Variants in SAMD5 observed in about 807,000 individuals in gnomAD.
SAMD5 encodes sterile alpha motif domain-containing protein 5.
In SAMD5, 13 loss-of-function variants were observed where a neutral mutation model predicts 11.3. The ratio of observed to expected loss-of-function variants is 1.15; its 90% confidence interval spans 0.75 to 1.83. The LOEUF (loss-of-function observed/expected upper bound fraction) is 1.83. Ranked by LOEUF, SAMD5 falls within the 40% of genes most tolerant of loss-of-function variation. SAMD5 has a pLI of 0.00. For synonymous variants in SAMD5, 129 were observed against 111.3 expected (o/e 1.16, Z -1.00); for missense variants, 255 against 239.1 (o/e 1.07, Z -0.44).
At chr6:147,949,476 G>A in the SAMD5 span, among the ~76,000 whole-genome samples, 1 of 152,164 alleles carries the variant, frequency 6.6e-6, no homozygotes, top group Non-Finnish European at 1.5e-5. Context: ...TCACTATAAA[G>A]AGAACTTGAA....
At chr6:147,644,093 A>G (rs536935337) in intron 1 of SAMD5, among the ~76,000 whole-genome samples, 1 of 152,172 alleles carries the variant, frequency 6.6e-6, no homozygotes, top group African/African-American at 2.4e-5. Context: ...CCTTGGTGAA[A>G]TGTTTTACCT....
the SAMD5 span, among the ~76,000 whole-genome samples, chr6:147,744,251 A>G: frequency 7.9e-5 from 12 of 152,338 alleles, no homozygotes; most frequent in East Asian, 2.3e-3. Context: ...CACATCTGTA[A>G]AAAGAAGATA....
the SAMD5 span, among the ~76,000 whole-genome samples, chr6:147,816,301 A>AAATATAT: frequency 2.3e-4 from 15 of 66,346 alleles, no homozygotes; most frequent in East Asian, 9.0e-4. Context: ...AAAAAAAAAA[A>AAATATAT]ATATATATAT....
rs570264348 is a variant in SAMD5 at position 147,719,972 on chromosome 6, ACCTG to A, written c.163-17341_163-17338del. On this transcript the variant is annotated intron_variant, in intron 1 of 1. Transcript: ENST00000566741. ...CACTCTTGCACACCCTCTGGGGCACACCTGCCTATCTGAGAAACATGGATGTGCT... is the reference window on the plus strand; with the variant it reads ...CACTCTTGCACACCCTCTGGGGCACACCTATCTGAGAAACATGGATGTGCT... 9.3e-4 allele frequency among the ~76,000 whole-genome samples: 141 copies of A among 152,320 alleles called. 3 individuals carry two copies. Among genetic ancestry groups the A allele is most frequent in the Admixed American group, 7.7e-3 (118 of 15,298 alleles).
chr6:147,759,573 A>T, the SAMD5 span, among the ~76,000 whole-genome samples: 3 of 150,214 alleles, frequency 2.0e-5, no homozygotes, highest in South Asian at 6.2e-4. Flanking sequence ...TAACTTATAC[A>T]TATATTATTT....
the SAMD5 span, among the ~76,000 whole-genome samples, chr6:147,748,034 G>A: frequency 6.6e-6 from 1 of 152,004 alleles, no homozygotes; most frequent in East Asian, 1.9e-4. Context: ...TATATATAGA[G>A]GGCAAAACCT....
At chr6:147,665,607 T>A (rs940888586) in intron 1 of SAMD5, among the ~76,000 whole-genome samples, 3 of 152,148 alleles carry the variant, frequency 2.0e-5, no homozygotes, top group Non-Finnish European at 2.9e-5. Context: ...GAGGGTGACC[T>A]CCTGCTGCTT....
At chr6:147,836,529 C>T in the SAMD5 span, among the ~76,000 whole-genome samples, 4 of 152,140 alleles carry the variant, frequency 2.6e-5, no homozygotes, top group Non-Finnish European at 5.9e-5. Context: ...TGTGCAAAAT[C>T]ACCTAATACA....
intron 1 of SAMD5, among the ~76,000 whole-genome samples, chr6:147,654,209 T>C (rs2128453662): frequency 6.6e-6 from 1 of 152,318 alleles, no homozygotes; most frequent in East Asian, 1.9e-4. Flanking sequence ...AATGTTTATT[T>C]TTCTGGAAGA....
At chr6:147,934,187 C>T in the SAMD5 span, among the ~76,000 whole-genome samples, 2 of 152,198 alleles carry the variant, frequency 1.3e-5, no homozygotes, top group African/African-American at 2.4e-5. Context: ...TTGTTGCCTT[C>T]ACTGATTAGG....
intron 1 of SAMD5, among the ~76,000 whole-genome samples, chr6:147,558,926 C>T (rs1465252087): frequency 6.6e-6 from 1 of 152,226 alleles, no homozygotes; most frequent in Non-Finnish European, 1.5e-5. Flanking sequence ...GCTCCCTCTT[C>T]GTTCTTAAAA....
At chr6:147,791,584 AAT>A in the SAMD5 span, among the ~76,000 whole-genome samples, 445 of 152,292 alleles carry the variant, frequency 2.9e-3, 5 homozygotes, top group African/African-American at 0.01. Context: ...TGCATGCAAA[AAT>A]ATGTTATTAT....
downstream of SAMD5, among the ~76,000 whole-genome samples, chr6:147,571,350 T>G (rs1374480903): frequency 6.6e-6 from 1 of 152,200 alleles, no homozygotes; most frequent in African/African-American, 2.4e-5. Context: ...TGAAAACATC[T>G]TTCATCTGAA....
chr6:147,759,655 A>C, the SAMD5 span, among the ~76,000 whole-genome samples: 2 of 151,756 alleles, frequency 1.3e-5, no homozygotes, highest in African/African-American at 4.8e-5. Flanking sequence ...CTTCAGAATA[A>C]ACAATTATTT....
At chr6:147,753,779 T>C in the SAMD5 span, among the ~76,000 whole-genome samples, 1 of 151,912 alleles carries the variant, frequency 6.6e-6, no homozygotes, top group South Asian at 2.1e-4. Flanking sequence ...TTTTAATTTC[T>C]AGATCCCACA....
At chr6:147,662,059 T>G (rs1413353600) in intron 1 of SAMD5, among the ~76,000 whole-genome samples, 1 of 152,170 alleles carries the variant, frequency 6.6e-6, no homozygotes, top group African/African-American at 2.4e-5. Flanking sequence ...TTCACAAAAA[T>G]AGGAAGAACA....
chr6:147,728,085 G>A (rs556032936), intron 1 of SAMD5, among the ~76,000 whole-genome samples: 1 of 152,170 alleles, frequency 6.6e-6, no homozygotes, highest in Non-Finnish European at 1.5e-5. Flanking sequence ...ATTCTGATGA[G>A]TTAGTAGGTC....
At chr6:147,758,817 G>C in the SAMD5 span, among the ~76,000 whole-genome samples, 2 of 151,990 alleles carry the variant, frequency 1.3e-5, no homozygotes, top group African/African-American at 4.8e-5. Flanking sequence ...CTCCTGTTGG[G>C]GGTACTCTGA....
the SAMD5 span, among the ~76,000 whole-genome samples, chr6:147,751,863 CA>C: frequency 6.6e-6 from 1 of 151,784 alleles, no homozygotes; most frequent in South Asian, 2.1e-4. Flanking sequence ...AACTGATTTA[CA>C]GGAAATACAA....
Sources: gnomAD v4.1 joint callset for allele counts (sites outside exome capture counted in the v4.1 genomes callset) on GRCh38, gnomAD v4.1.1 for gene constraint, MANE v1.5 for transcripts, NCBI Gene and HGNC (gene_info 2026-07-23, HGNC 2026-07-21) for gene names.